Variants in IQCC observed in about 807,000 individuals in gnomAD.
The protein encoded by IQCC is IQ domain-containing protein C.
Under a neutral mutation model 27.0 loss-of-function variants are expected in IQCC, and 23 were observed. The observed-to-expected ratio is 0.85, with a 90% CI of 0.61 to 1.21. IQCC has a LOEUF of 1.21. IQCC is among the 50% of genes most tolerant of loss of function. The pLI, the probability that IQCC is intolerant of heterozygous loss-of-function variation, is 0.00. For missense variants in IQCC, 552 were observed against 562.3 expected (o/e 0.98, Z 0.19); for synonymous variants, 220 against 217.2 (o/e 1.01, Z -0.11).
chr1:32,208,010 T>C lies in IQCC; in HGVS notation c.1329T>C (p.Ser443=). 1 of 1,614,160 alleles carries C rather than the reference T, an allele frequency of 6.2e-7. No homozygotes were observed. The highest frequency in any genetic ancestry group is 8.5e-7 in the Non-Finnish European group (1 of 1,180,002). The part of the protein sequence containing the change: ...PWRSKSPEIL[S]STKAGCTGEE... ...GATCAAAGTCACCTGAGATTCTGTC[T>C]TCTACAAAGGCAGGCTGTACAGGAG... is the stretch of plus-strand genomic sequence containing the variant. The change falls in exon 5 of 5, where the codon TCT becomes TCC. Residue 443 remains serine (S), a synonymous_variant. Coordinates refer to ENST00000291358, the MANE Select transcript of IQCC (RefSeq NM_018134.3).
At position 32,206,135 on chromosome 1, in the gene IQCC, C is replaced by G. The variant is rs759502729; in HGVS notation, c.43-19C>G. 6.2e-7 allele frequency: 1 copy of G among 1,613,172 alleles called. No individual in the cohort carries two copies. Among genetic ancestry groups the G allele is most frequent in the Non-Finnish European group, 8.5e-7 (1 of 1,179,118 alleles). Reference sequence around the variant, plus strand: ...CTTACCGTGATAAGGGACTTCTTTCCTCTCGTTCTCCATACCAGGCCTGCG... The same window carrying G: ...CTTACCGTGATAAGGGACTTCTTTCGTCTCGTTCTCCATACCAGGCCTGCG... On this transcript the variant is annotated intron_variant, in intron 1 of 4. Transcript: ENST00000291358.
chr1:32,207,169 G>A (rs1285027085), intron 4 of IQCC, 49 bp downstream of exon 4: 2 of 1,600,708 alleles, frequency 1.2e-6, no homozygotes, highest in Non-Finnish European at 1.7e-6. Flanking sequence ...CAAGGGTGGG[G>A]GTTAGGGAGA....
Position 32,205,702 on chromosome 1 carries a change from T to TCGGAAGGTGTCTGCATTGCAGGTG in IQCC, c.25_42+6dup. 1 of 1,609,096 alleles carries TCGGAAGGTGTCTGCATTGCAGGTG rather than the reference T, an allele frequency of 6.2e-7. No individual in the cohort carries two copies. Among genetic ancestry groups the TCGGAAGGTGTCTGCATTGCAGGTG allele is most frequent in the Non-Finnish European group, 8.5e-7 (1 of 1,177,926 alleles). On this transcript the variant is annotated inframe_insertion, in exon 1 of 5. Coordinates refer to ENST00000291358, the MANE Select transcript of IQCC (RefSeq NM_018134.3). This position sits in a 1 kb window ranked among gnomAD's most constrained non-coding sequence, Gnocchi z 5.6. Reference sequence around the variant, plus strand: ...CGCCCATGGAGCCAGAGCTGCTGGTTCGGAAGGTGTCTGCATTGCAGGTGC... The same window carrying TCGGAAGGTGTCTGCATTGCAGGTG: ...CGCCCATGGAGCCAGAGCTGCTGGTTCGGAAGGTGTCTGCATTGCAGGTGCGGAAGGTGTCTGCATTGCAGGTGC...
chr1:32,208,231 G>A lies in IQCC; in HGVS notation c.*149G>A. 1.3e-6 allele frequency: 1 copy of A among 793,802 alleles called. No individual in the cohort carries two copies. 49.2% of individuals were successfully genotyped at this position (793,802 alleles called of 1,614,324 possible). A position where few individuals can be genotyped will look rare whatever the true frequency, so the allele number is the denominator to read the frequency against. ...ACTAGTGGGGCCAAGAGAAGCTGGA[G>A]CAGAGAGCTGGCATGAGTATAGGGA... On this transcript the variant is annotated 3_prime_UTR_variant, in exon 5 of 5. Transcript: ENST00000291358.
intron 4 of IQCC, 44 bp downstream of exon 4, chr1:32,207,164 G>A: frequency 6.3e-7 from 1 of 1,599,432 alleles, no homozygotes; most frequent in East Asian, 2.2e-5. Flanking sequence ...AGGGTCAAGG[G>A]TGGGGGTTAG....
At position 32,208,043 on chromosome 1, in the gene IQCC, G is replaced by A. The variant is rs775071567; in HGVS notation, c.1362G>A (p.Gln454=). The A allele has an allele frequency of 3.5e-5, 57 of 1,613,550 alleles. No homozygotes were observed. The Admixed American group carries it at 9.3e-4, about 26-fold the overall frequency. Residue 454 remains glutamine (Q), a synonymous_variant, in exon 5 of 5, where the codon CAG becomes CAA. Transcript: ENST00000291358. Reference sequence around the variant, plus strand: ...AGGCAGGCTGTACAGGAGAGGAACAGTGGAGGGGCAGGCCATGGAAAACAG... The same window carrying A: ...AGGCAGGCTGTACAGGAGAGGAACAATGGAGGGGCAGGCCATGGAAAACAG... ...STKAGCTGEE[Q]WRGRPWKTEP... is the part of the protein sequence containing the mutation.
rs766162027 is a variant in IQCC at position 32,207,723 on chromosome 1, G to A, written c.1042G>A (p.Asp348Asn). The change falls in exon 5 of 5, where the codon GAC becomes AAC. Residue 348 changes from aspartate (D) to asparagine (N), a missense_variant. Physicochemically the swap from Asp to Asn is conservative, Grantham distance 23 (BLOSUM62 1). Coordinates refer to ENST00000291358, the MANE Select transcript of IQCC (RefSeq NM_018134.3). ...SRTQLSALYE[D>N]SNIKEMSPRK... is the part of the protein sequence containing the mutation. ...GACACAGCTGTCTGCACTCTATGAG[G>A]ACTCAAATATTAAGGAGATGTCTCC... 4 of 1,613,942 alleles carry A rather than the reference G, an allele frequency of 2.5e-6. No individual in the cohort carries two copies. Among genetic ancestry groups the A allele is most frequent in the Admixed American group, 1.7e-5 (1 of 60,018 alleles).
Position 32,208,024 on chromosome 1 carries a change from G to T in IQCC, c.1343G>T (p.Gly448Val), listed in dbSNP as rs113657884. 135 of 1,614,146 alleles carry T rather than the reference G, an allele frequency of 8.4e-5. 2 individuals carry two copies. In the African/African-American group the frequency reaches 1.4e-3, roughly 17 times the overall value. The change falls in exon 5 of 5, where the codon GGC (glycine) becomes GTC (valine). Residue 448 changes from glycine (G) to valine (V), a missense_variant. Gly to Val is a moderately radical substitution (Grantham distance 109). Transcript: ENST00000291358. ...GAGATTCTGTCTTCTACAAAGGCAG[G>T]CTGTACAGGAGAGGAACAGTGGAGG... ...SPEILSSTKA[G>V]CTGEEQWRGR...
Position 32,208,034 on chromosome 1 carries a change from A to T in IQCC, c.1353A>T (p.Gly451=). The change falls in exon 5 of 5, where the codon GGA becomes GGT. Residue 451 remains glycine, a synonymous_variant. Transcript: ENST00000291358. ...CTTCTACAAAGGCAGGCTGTACAGG[A>T]GAGGAACAGTGGAGGGGCAGGCCAT... The part of the protein sequence containing the change: ...ILSSTKAGCT[G]EEQWRGRPWK... 1.2e-6 allele frequency: 2 copies of T among 1,614,096 alleles called. No homozygotes were observed. Among genetic ancestry groups the T allele is most frequent in the Non-Finnish European group, 1.7e-6 (2 of 1,179,954 alleles).
At position 32,208,589 on chromosome 1, in the gene IQCC, G is replaced by A. The variant is rs1643455217; in HGVS notation, c.*507G>A. ...ACTGCACTCCAGCCTGGGCTACAGA[G>A]CGAGACACGGTCTCAAAAAACAAAT... On this transcript the variant is annotated 3_prime_UTR_variant, in exon 5 of 5. Coordinates refer to ENST00000291358, the MANE Select transcript of IQCC (RefSeq NM_018134.3). The A allele has an allele frequency of 5.8e-6, 1 of 171,970 alleles. No individual in the cohort carries two copies. Among genetic ancestry groups the A allele is most frequent in the Non-Finnish European group, 1.3e-5 (1 of 79,522 alleles). 10.7% of individuals were successfully genotyped at this position (171,970 alleles called of 1,614,324 possible). A position where few individuals can be genotyped will look rare whatever the true frequency, so the allele number is the denominator to read the frequency against.
chr1:32,208,041 C>G lies in IQCC; in HGVS notation c.1360C>G (p.Gln454Glu). 6.2e-7 allele frequency: 1 copy of G among 1,613,900 alleles called. No homozygotes were observed. Among genetic ancestry groups the G allele is most frequent in the Non-Finnish European group, 8.5e-7 (1 of 1,179,858 alleles). Residue 454 changes from glutamine (Q) to glutamate (E), a missense_variant, in exon 5 of 5, where the codon CAG becomes GAG. Coordinates refer to ENST00000291358, the MANE Select transcript of IQCC (RefSeq NM_018134.3). ...AAAGGCAGGCTGTACAGGAGAGGAACAGTGGAGGGGCAGGCCATGGAAAAC... is the reference window on the plus strand; with the variant it reads ...AAAGGCAGGCTGTACAGGAGAGGAAGAGTGGAGGGGCAGGCCATGGAAAAC... ...STKAGCTGEE[Q>E]WRGRPWKTEP...
At chr1:32,206,799 T>C in intron 3 of IQCC, 38 bp downstream of exon 3, 1 of 1,603,952 alleles carries the variant, frequency 6.2e-7, no homozygotes, top group South Asian at 1.1e-5. Flanking sequence ...CCCCTGACCC[T>C]CACTGTGCCT....
At chr1:32,206,814 C>T in intron 3 of IQCC, 53 bp downstream of exon 3, 1 of 1,594,190 alleles carries the variant, frequency 6.3e-7, no homozygotes, top group Non-Finnish European at 8.6e-7. Flanking sequence ...GTGCCTCAGC[C>T]TCCCATCTGA....
rs759502729 is a variant in IQCC, at chr1:32,206,135, C to T, written c.43-19C>T. The T allele has an allele frequency of 2.5e-6, 4 of 1,613,172 alleles. No individual in the cohort carries two copies. The highest frequency in any genetic ancestry group is 4.5e-5 in the East Asian group (2 of 44,880). On this transcript the variant is annotated intron_variant, in intron 1 of 4. Transcript: ENST00000291358. ...CTTACCGTGATAAGGGACTTCTTTC[C>T]TCTCGTTCTCCATACCAGGCCTGCG... is the stretch of plus-strand genomic sequence containing the variant.
At chr1:32,206,043 C>T in intron 1 of IQCC, 111 bp from the exon 2 acceptor site, 1 of 1,598,606 alleles carries the variant, frequency 6.3e-7, no homozygotes, top group Non-Finnish European at 8.6e-7. Context: ...CCTTTCCCCG[C>T]CGTCAGGTCC....
rs2124200936 is a variant in IQCC at position 32,207,721 on chromosome 1, A to G, written c.1040A>G (p.Glu347Gly). Residue 347 changes from glutamate to glycine, a missense_variant, in exon 5 of 5, where the codon GAG (glutamate) becomes GGG (glycine). Glu to Gly is a moderately conservative substitution (Grantham distance 98). Transcript: ENST00000291358. ...AGGACACAGCTGTCTGCACTCTATG[A>G]GGACTCAAATATTAAGGAGATGTCT... The part of the protein sequence containing the change: ...KSRTQLSALY[E>G]DSNIKEMSPR... 1 of 1,614,044 alleles carries G rather than the reference A, an allele frequency of 6.2e-7. No homozygotes were observed. Among genetic ancestry groups the G allele is most frequent in the Non-Finnish European group, 8.5e-7 (1 of 1,180,030 alleles).
At position 32,207,088 on chromosome 1, in the gene IQCC, T is replaced by C. The variant is rs1163380655; in HGVS notation, c.526T>C (p.Trp176Arg). Residue 176 changes from tryptophan (W) to arginine (R), a missense_variant, in exon 4 of 5, where the codon TGG becomes CGG. Trp to Arg is a moderately radical substitution (Grantham distance 101, BLOSUM62 -3). Transcript: ENST00000291358. ...HRSHLAMELL[W>R]LQQAINSRKE... is the part of the protein sequence containing the mutation. ...CAGCCACTTGGCCATGGAATTGCTG[T>C]GGCTGCAACAGGCCATCAATAGCCG... The C allele has an allele frequency of 2.5e-6, 4 of 1,611,394 alleles. No homozygotes were observed. The African/African-American group carries it at 5.4e-5, about 22-fold the overall frequency.
Position 32,206,558 on chromosome 1 carries a change from C to T in IQCC, c.236C>T (p.Pro79Leu). 1 of 1,614,204 alleles carries T rather than the reference C, an allele frequency of 6.2e-7. No individual in the cohort carries two copies. The highest frequency in any genetic ancestry group is 8.5e-7 in the Non-Finnish European group (1 of 1,180,042). The change falls in exon 3 of 5, where the codon CCA (proline) becomes CTA (leucine). Residue 79 changes from proline (P) to leucine (L), a missense_variant. Transcript: ENST00000291358. ...AAAGCAGGAGACAGGGTAGCAAATC[C>T]AGAGCAGGGGCTGTGGAACCACTTC... ...TWKAGDRVAN[P>L]EQGLWNHFPC...
chr1:32,206,050 G>C (rs963544702), intron 1 of IQCC, 104 bp from the exon 2 acceptor site: 1 of 1,600,294 alleles, frequency 6.2e-7, no homozygotes, highest in African/African-American at 1.3e-5. Flanking sequence ...CCGCCGTCAG[G>C]TCCCCTCTTG....
Sources: allele counts gnomAD v4.1 joint callset, GRCh38; gene constraint gnomAD v4.1.1; non-coding constraint Gnocchi (gnomAD v3.1); transcripts MANE v1.5; gene names NCBI Gene and HGNC (gene_info 2026-07-23, HGNC 2026-07-21).